The following ANOS1 variants were observed in gnomAD, a reference collection of about 807,000 sequenced individuals.
ANOS1 encodes the protein anosmin-1.
In ANOS1, 6 loss-of-function variants were observed where a neutral mutation model predicts 59.0. That is an observed-to-expected ratio of 0.10 (90% CI 0.06 to 0.20). The LOEUF is 0.20. ANOS1 is among the 10% of genes least tolerant of loss of function. The pLI is 1.00. For missense variants in ANOS1, 433 were observed against 542.3 expected, an observed-to-expected ratio of 0.80 and a Z score of 2.00; for synonymous variants, 217 against 223.4, an observed-to-expected ratio of 0.97 and a Z score of 0.25.
At chrX:8,552,442 A>C (rs1432325112) in intron 9 of ANOS1, among the ~76,000 whole-genome samples, 2 of 112,323 alleles carry the variant, frequency 1.8e-5, no homozygotes, top group African/African-American at 6.5e-5. Context: ...CCACAGCTGA[A>C]AGGATACACA....
chrX:8,580,159 C>A (rs1189231939), intron 6 of ANOS1, among the ~76,000 whole-genome samples: 1 of 112,112 alleles, frequency 8.9e-6, no homozygotes, highest in African/African-American at 3.2e-5. Context: ...TTTAGGTAGA[C>A]CCCCAGGAAT....
intron 6 of ANOS1, among the ~76,000 whole-genome samples, chrX:8,580,778 A>C (rs146574273): frequency 0.014 from 1,616 of 111,531 alleles, 16 homozygotes; most frequent in Middle Eastern, 0.051. Context: ...ATTTGCTGAG[A>C]TATTCATGGT....
At chrX:8,639,667 GA>G (rs1306233955) in intron 2 of ANOS1, among the ~76,000 whole-genome samples, 1 of 112,143 alleles carries the variant, frequency 8.9e-6, no homozygotes, top group Non-Finnish European at 1.9e-5. Flanking sequence ...TTTTAAAGAG[GA>G]AATGTGATAG....
At chrX:8,635,968 A>G (rs189935646) in intron 2 of ANOS1, among the ~76,000 whole-genome samples, 1 of 111,403 alleles carries the variant, frequency 9.0e-6, no homozygotes, top group Admixed American at 9.6e-5. Flanking sequence ...TGGAATCACC[A>G]GTCACAGCAT....
chrX:8,564,111 G>A (rs970134392), intron 8 of ANOS1, among the ~76,000 whole-genome samples: 19 of 111,703 alleles, frequency 1.7e-4, no homozygotes, highest in African/African-American at 5.2e-4. Flanking sequence ...TCCAAGAGCC[G>A]GATGGAGGCA....
intron 11 of ANOS1, 109 bp downstream of exon 11, chrX:8,536,661 GA>G (rs1254810262): frequency 1.7e-6 from 1 of 581,341 alleles, no homozygotes; most frequent in Non-Finnish European, 2.9e-6. Context: ...AACTTAGAAA[GA>G]GAGGCACTTT....
At chrX:8,670,940 A>T (rs1419540176) in intron 2 of ANOS1, among the ~76,000 whole-genome samples, 1 of 110,415 alleles carries the variant, frequency 9.1e-6, no homozygotes, top group East Asian at 2.9e-4. Flanking sequence ...ACCCTGGCCA[A>T]TTTTGCCTCC....
intron 2 of ANOS1, among the ~76,000 whole-genome samples, chrX:8,629,620 A>G (rs2146850848): frequency 8.9e-6 from 1 of 111,837 alleles, no homozygotes. Flanking sequence ...TTCATGTCAC[A>G]GAGAGAGACC....
At chrX:8,628,207 G>A (rs1478879603) in intron 2 of ANOS1, among the ~76,000 whole-genome samples, 1 of 111,848 alleles carries the variant, frequency 8.9e-6, no homozygotes, top group East Asian at 2.8e-4. Context: ...GTTTACAAGT[G>A]CCATGGCAAT....
intron 1 of ANOS1, among the ~76,000 whole-genome samples, chrX:8,725,407 A>G (rs2146913777): frequency 9.2e-6 from 1 of 109,210 alleles, no homozygotes; most frequent in Admixed American, 1.0e-4. Flanking sequence ...AAATATGATA[A>G]CCTCCAAATT....
chrX:8,668,823 T>C, intron 2 of ANOS1, among the ~76,000 whole-genome samples: 1 of 110,869 alleles, frequency 9.0e-6, no homozygotes, highest in Non-Finnish European at 1.9e-5. Flanking sequence ...GTGGGAGCCA[T>C]TAACCTTCCA....
At chrX:8,681,971 G>A (rs1305081188) in intron 2 of ANOS1, among the ~76,000 whole-genome samples, 1 of 111,377 alleles carries the variant, frequency 9.0e-6, no homozygotes, top group Non-Finnish European at 1.9e-5. Flanking sequence ...CTGATTGGGG[G>A]TACACTTCTG....
intron 3 of ANOS1, among the ~76,000 whole-genome samples, chrX:8,621,112 T>C (rs1323030280): frequency 8.9e-6 from 1 of 111,784 alleles, no homozygotes; most frequent in Non-Finnish European, 1.9e-5. Flanking sequence ...ATGCCTATAA[T>C]ACCAGCAATT....
intron 6 of ANOS1, among the ~76,000 whole-genome samples, chrX:8,580,949 A>C (rs760537351): frequency 1.4e-3 from 158 of 112,098 alleles, no homozygotes; most frequent in Non-Finnish European, 2.5e-3. Context: ...AAGTAATTTT[A>C]AACCACTGGA....
intron 2 of ANOS1, among the ~76,000 whole-genome samples, chrX:8,647,429 C>T (rs1931779433): frequency 9.0e-6 from 1 of 111,614 alleles, no homozygotes; most frequent in Non-Finnish European, 1.9e-5. Context: ...ATCACACAGT[C>T]CAGATGGAAA....
intron 9 of ANOS1, among the ~76,000 whole-genome samples, chrX:8,551,220 C>A (rs891583384): frequency 8.9e-6 from 1 of 111,932 alleles, no homozygotes; most frequent in Admixed American, 9.5e-5. Context: ...AAAGATGAAA[C>A]AGTGGACAAG....
In ANOS1 at chrX:8,731,498, G is replaced by A. The variant is rs73477394; in HGVS notation, c.207+332C>T. On this transcript the variant is annotated intron_variant, in intron 1 of 13. Transcript: ENST00000262648. ...AGTCGCCGCCCGCCCGGAGTCTCGC[G>A]CACTCCAATTCCCGGGAAACCGCCA... Among the ~76,000 whole-genome samples the A allele has an allele frequency of 2.8e-3, 314 of 111,480 alleles. 2 individuals are homozygous for A. Among genetic ancestry groups the A allele is most frequent in the African/African-American group, 9.7e-3 (298 of 30,692 alleles).
chrX:8,622,434 G>T (rs1415880651), intron 3 of ANOS1, among the ~76,000 whole-genome samples: 1 of 112,147 alleles, frequency 8.9e-6, no homozygotes, highest in Non-Finnish European at 1.9e-5. Context: ...GTGAAACATA[G>T]GCAATGGGAT....
At position 8,730,844 on chromosome X, in the gene ANOS1, A is replaced by G. The variant is rs772971684; in HGVS notation, c.207+986T>C. On this transcript the variant is annotated intron_variant, in intron 1 of 13. Coordinates refer to ENST00000262648, the MANE Select transcript of ANOS1 (RefSeq NM_000216.4). ...GAGGATTTCAGAGCTCGCACGCTCG[A>G]CAGGGCTGGTACAGGCAGCAGCTGC... Among the ~76,000 whole-genome samples, 191 of 112,796 alleles carry G rather than the reference A, an allele frequency of 1.7e-3. 1 individual carries two copies. The highest frequency in any genetic ancestry group is 5.3e-3 in the African/African-American group (166 of 31,170).
Sources: gnomAD v4.1 joint callset for allele counts (sites outside exome capture counted in the v4.1 genomes callset) on GRCh38, gnomAD v4.1.1 for gene constraint, MANE v1.5 for transcripts, NCBI Gene and HGNC (gene_info 2026-07-23, HGNC 2026-07-21) for gene names.